The following PLOD2 variants were observed in gnomAD, a reference collection of about 807,000 sequenced individuals.
PLOD2 encodes the protein procollagen-lysine,2-oxoglutarate 5-dioxygenase 2.
Under a neutral mutation model 101.0 loss-of-function variants are expected in PLOD2, and 65 were observed. The observed-to-expected ratio is 0.64, with a 90% CI of 0.53 to 0.79. The LOEUF is 0.79. PLOD2 is among the 30% of genes least tolerant of loss of function. The probability of loss-of-function intolerance (pLI) is 0.00; values close to 1 mark genes in which losing one functional copy is unlikely to be tolerated. For missense variants in PLOD2, 909 were observed against 914.6 expected, an observed-to-expected ratio of 0.99 and a Z score of 0.08; for synonymous variants, 314 against 302.9, an observed-to-expected ratio of 1.04 and a Z score of -0.38.
At chr3:146,118,163 T>C (rs1438917793) in intron 3 of PLOD2, among the ~76,000 whole-genome samples, 1 of 152,158 alleles carries the variant, frequency 6.6e-6, no homozygotes, top group African/African-American at 2.4e-5. Context: ...TACCCAGTAT[T>C]TATTCTACAG....
intron 3 of PLOD2, among the ~76,000 whole-genome samples, chr3:146,113,190 T>G (rs147296082): frequency 0.012 from 1,862 of 152,304 alleles, 14 homozygotes; most frequent in Non-Finnish European, 0.02. Flanking sequence ...AACACAATTA[T>G]TTTAAAGCAA....
At chr3:146,077,509 A>G (rs1936387612) in intron 14 of PLOD2, 1 of 192,636 alleles carries the variant, frequency 5.2e-6, no homozygotes, top group Non-Finnish European at 1.1e-5. Flanking sequence ...TAATAACTCA[A>G]TAAGGTGCAC....
At position 146,076,853 on chromosome 3, in the gene PLOD2, G is replaced by C; in HGVS notation, c.1606C>G (p.Leu536Val). The C allele has an allele frequency of 1.3e-6, 2 of 1,588,200 alleles. No individual in the cohort carries two copies. Among genetic ancestry groups the C allele is most frequent in the Non-Finnish European group, 1.7e-6 (2 of 1,157,922 alleles). ...YISNRHEFGRLLSTANYNTSH... is the reference protein window; with the variant it reads ...YISNRHEFGRVLSTANYNTSH... ...GTATTGTAATTAGCAGTGGATAATA[G>C]CCTTCCAAATTCATGTCTATTAGAA... Residue 536 changes from leucine to valine, a missense_variant, in exon 15 of 20, where the codon CTA becomes GTA. Transcript: ENST00000282903.
rs2031587649 is a variant in PLOD2 at position 146,142,852 on chromosome 3, A to C, written c.109+18029T>G. ...TCTCTTGTCAAACCAAATACACTTG[A>C]TGCCTTGGTACAAACCAAAGCTGAC... On this transcript the variant is annotated intron_variant, in intron 1 of 19. Transcript: ENST00000282903. 1.3e-5 allele frequency among the ~76,000 whole-genome samples: 2 copies of C among 152,164 alleles called. 1 individual carries two copies.
intron 1 of PLOD2, among the ~76,000 whole-genome samples, chr3:146,150,216 T>C (rs2108139392): frequency 6.6e-6 from 1 of 152,322 alleles, no homozygotes; most frequent in East Asian, 1.9e-4. Context: ...CAAACTGATT[T>C]CGTTTTTATT....
At chr3:146,071,822 T>C (rs1375588) in intron 17 of PLOD2, among the ~76,000 whole-genome samples, 98,681 of 151,446 alleles carry the variant, frequency 0.65, 32,276 homozygotes, top group East Asian at 0.8. Context: ...TACCAAACAC[T>C]AAAAACAAGC....
chr3:146,091,371 A>G (rs555389329), intron 8 of PLOD2, among the ~76,000 whole-genome samples: 1 of 152,074 alleles, frequency 6.6e-6, no homozygotes, highest in East Asian at 1.9e-4. Flanking sequence ...ATGAGTTATT[A>G]TATGTAAAGT....
chr3:146,084,375 T>C (rs965149278), intron 11 of PLOD2, among the ~76,000 whole-genome samples: 1 of 152,046 alleles, frequency 6.6e-6, no homozygotes, highest in African/African-American at 2.4e-5. Flanking sequence ...GTGATATATA[T>C]ATATAGATAG....
intron 16 of PLOD2, 128 bp downstream of exon 16, chr3:146,073,159 G>A: frequency 1.9e-6 from 1 of 536,148 alleles, no homozygotes. Flanking sequence ...ATCAGTAATT[G>A]AATCAAATAA....
At chr3:146,111,530 T>G (rs925380657) in intron 3 of PLOD2, among the ~76,000 whole-genome samples, 3 of 152,142 alleles carry the variant, frequency 2.0e-5, no homozygotes, top group Non-Finnish European at 4.4e-5. Context: ...CTGTAAACAC[T>G]GAACAAAGTT....
At chr3:146,124,661 CACA>C (rs954930969) in intron 1 of PLOD2, among the ~76,000 whole-genome samples, 1 of 58,978 alleles carries the variant, frequency 1.7e-5, no homozygotes, top group African/African-American at 7.4e-5. Context: ...TAATGACATA[CACA>C]AAAAAAACAG....
In PLOD2 at chr3:146,079,105, G is replaced by A. The variant is rs541635907; in HGVS notation, c.1500+11C>T. 6 of 1,611,396 alleles carry A rather than the reference G, an allele frequency of 3.7e-6. No individual in the cohort carries two copies. The Admixed American group carries it at 5.0e-5, about 13-fold the overall frequency. On this transcript the variant is annotated intron_variant, in intron 13 of 19. Coordinates refer to ENST00000282903, the MANE Select transcript of PLOD2 (RefSeq NM_182943.3). ...AAGAACATTCAAGCAAGCCATCACTGCATATCTTACCATTTCTCTAGCATT... is the reference window on the plus strand; with the variant it reads ...AAGAACATTCAAGCAAGCCATCACTACATATCTTACCATTTCTCTAGCATT...
chr3:146,081,709 A>C (rs908071294), intron 12 of PLOD2, 29 bp downstream of exon 12: 7 of 1,565,552 alleles, frequency 4.5e-6, no homozygotes, highest in Admixed American at 3.3e-5. Flanking sequence ...ATGGTATTTC[A>C]CATTAAAATA....
chr3:146,124,078 T>C (rs1214212847), intron 2 of PLOD2, 60 bp downstream of exon 2: 6 of 884,408 alleles, frequency 6.8e-6, no homozygotes, highest in South Asian at 1.3e-5. Flanking sequence ...ACTGCTGTTA[T>C]GAAAAACATA....
chr3:146,156,311 G>A lies in PLOD2; in HGVS notation c.109+4570C>T, dbSNP rs577787293. 1.9e-4 allele frequency among the ~76,000 whole-genome samples: 29 copies of A among 152,288 alleles called. No individual in the cohort carries two copies. In the South Asian group the frequency reaches 4.4e-3, roughly 23 times the overall value. The stretch of plus-strand genomic sequence containing the variant: ...AATGTCATCTCCTAAGGCAAGGTTC[G>A]GCAAAGTTTTTCTGTACAGGACCAG... On this transcript the variant is annotated intron_variant, in intron 1 of 19. Transcript: ENST00000282903.
chr3:146,128,908 T>TC (rs2030744270), intron 1 of PLOD2, among the ~76,000 whole-genome samples: 1 of 126,634 alleles, frequency 7.9e-6, no homozygotes, highest in Non-Finnish European at 1.7e-5. Context: ...TTTTTTTTTT[T>TC]TGAGACGGAG....
In PLOD2 at chr3:146,072,407, A is replaced by G. The variant is rs951465216; in HGVS notation, c.1848+154T>C. Reference sequence around the variant, plus strand: ...AGTGTTAAAAAAATTGGTTGGTGGGAGAAGTAGACTGAAATCAGAGCCTTG... The same window carrying G: ...AGTGTTAAAAAAATTGGTTGGTGGGGGAAGTAGACTGAAATCAGAGCCTTG... On this transcript the variant is annotated intron_variant, in intron 17 of 19. Transcript: ENST00000282903. The G allele has an allele frequency of 3.4e-5, 22 of 647,394 alleles. No individual in the cohort carries two copies. The African/African-American group carries it at 3.9e-4, about 11-fold the overall frequency. The allele number at this position is 647,394 out of a possible 1,614,324, so 40.1% of individuals were successfully genotyped here.
At chr3:146,152,128 C>T (rs946898184) in intron 1 of PLOD2, among the ~76,000 whole-genome samples, 2 of 152,178 alleles carry the variant, frequency 1.3e-5, no homozygotes, top group Non-Finnish European at 2.9e-5. Context: ...TAAAAATTTT[C>T]TACCTATTGG....
At chr3:146,125,833 A>G (rs2030531420) in intron 1 of PLOD2, among the ~76,000 whole-genome samples, 1 of 152,212 alleles carries the variant, frequency 6.6e-6, no homozygotes, top group Non-Finnish European at 1.5e-5. Flanking sequence ...ATGAAAATTT[A>G]ACATTATTCA....
Sources: gnomAD v4.1 joint callset for allele counts (sites outside exome capture counted in the v4.1 genomes callset) on GRCh38, gnomAD v4.1.1 for gene constraint, MANE v1.5 for transcripts, NCBI Gene and HGNC (gene_info 2026-07-23, HGNC 2026-07-21) for gene names.